The following SLC25A26 variants were observed in gnomAD, a reference collection of about 807,000 sequenced individuals.
SLC25A26 encodes the protein mitochondrial S-adenosylmethionine carrier protein.
In SLC25A26, 36 loss-of-function variants were observed where a neutral mutation model predicts 37.8. That is an observed-to-expected ratio of 0.95 (90% CI 0.73 to 1.26). The LOEUF (loss-of-function observed/expected upper bound fraction) is 1.26. SLC25A26 is among the 50% of genes most tolerant of loss of function. SLC25A26 has a pLI of 0.00. For missense variants in SLC25A26, 390 were observed against 331.1 expected (o/e 1.18, Z -1.38); for synonymous variants, 129 against 122.5 (o/e 1.05, Z -0.35).
chr3:66,270,384 C>G (rs2073917229), intron 5 of SLC25A26, among the ~76,000 whole-genome samples: 3 of 152,086 alleles, frequency 2.0e-5, no homozygotes, highest in Non-Finnish European at 4.4e-5. Flanking sequence ...ATATTGAACC[C>G]TATTTTAATC....
intron 6 of SLC25A26, among the ~76,000 whole-genome samples, chr3:66,351,518 C>G (rs777541550): frequency 6.6e-6 from 1 of 152,100 alleles, no homozygotes; most frequent in Non-Finnish European, 1.5e-5. Context: ...TCTATCTTAT[C>G]CTTTGACTTT....
intron 5 of SLC25A26, among the ~76,000 whole-genome samples, chr3:66,284,786 A>T (rs375426001): frequency 6.6e-6 from 1 of 152,224 alleles, no homozygotes; most frequent in Admixed American, 6.5e-5. Context: ...ATATATTTAT[A>T]TCCATCTATT....
chr3:66,374,478 T>C (rs933022498), intron 9 of SLC25A26, among the ~76,000 whole-genome samples: 4 of 152,194 alleles, frequency 2.6e-5, no homozygotes, highest in Non-Finnish European at 5.9e-5. Context: ...CCTCTCTCTC[T>C]CCCTTAGGCC....
At chr3:66,172,168 T>C (rs1405393651) in intron 1 of SLC25A26, among the ~76,000 whole-genome samples, 2 of 151,966 alleles carry the variant, frequency 1.3e-5, no homozygotes, top group African/African-American at 4.8e-5. Context: ...CTTAGCACTT[T>C]AGAAGGTGGA....
rs782236870 is a variant in SLC25A26, at chr3:66,243,288, G to C, written c.276G>C (p.Met92Ile). ...SSSYLTPMKHMLAASAGEVVA... is the reference protein window; with the variant it reads ...SSSYLTPMKHILAASAGEVVA... ...CATATTTGACACCTATGAAACATAT[G>C]TTGGCTGCCTCTGCTGGAGAAGTGG... The change falls in exon 3 of 10, where the codon ATG (methionine) becomes ATC (isoleucine). Residue 92 changes from methionine to isoleucine, a missense_variant. Physicochemically the swap from Met to Ile is conservative, Grantham distance 10. Coordinates refer to ENST00000354883, the MANE Select transcript of SLC25A26 (RefSeq NM_001379210.1). The C allele has an allele frequency of 1.2e-6, 2 of 1,604,574 alleles. No individual in the cohort carries two copies. The highest frequency in any genetic ancestry group is 1.1e-5 in the South Asian group (1 of 89,870).
chr3:66,217,164 T>C (rs1237838913), upstream of SLC25A26, among the ~76,000 whole-genome samples: 1 of 152,224 alleles, frequency 6.6e-6, no homozygotes, highest in African/African-American at 2.4e-5. Flanking sequence ...ACCATTGCAT[T>C]GAAGAGGAAA....
intron 3 of SLC25A26, among the ~76,000 whole-genome samples, chr3:66,246,083 A>C (rs1247880492): frequency 6.6e-6 from 1 of 152,202 alleles, no homozygotes; most frequent in African/African-American, 2.4e-5. Context: ...GTCTTTTGTT[A>C]CTGACTTTTT....
At chr3:66,303,172 C>T (rs1376265040) in intron 5 of SLC25A26, among the ~76,000 whole-genome samples, 1 of 152,168 alleles carries the variant, frequency 6.6e-6, no homozygotes, top group Admixed American at 6.6e-5. Context: ...GTCTTTGAAT[C>T]CTTTGAAATA....
chr3:66,201,052 G>A (rs991889814), intron 1 of SLC25A26, among the ~76,000 whole-genome samples: 63 of 152,216 alleles, frequency 4.1e-4, no homozygotes, highest in African/African-American at 1.5e-3. Context: ...CAATGGTAAG[G>A]GTGGAAGAAA....
intron 5 of SLC25A26, among the ~76,000 whole-genome samples, chr3:66,325,672 C>T (rs1180216125): frequency 6.6e-6 from 1 of 152,128 alleles, no homozygotes; most frequent in Non-Finnish European, 1.5e-5. Flanking sequence ...GCAGAGGAAT[C>T]ATATGTAAGA....
At chr3:66,350,424 C>T (rs1463949089) in intron 6 of SLC25A26, among the ~76,000 whole-genome samples, 1 of 152,176 alleles carries the variant, frequency 6.6e-6, no homozygotes, top group South Asian at 2.1e-4. Flanking sequence ...TCACATTACT[C>T]AACAAATTTT....
intron 6 of SLC25A26, among the ~76,000 whole-genome samples, chr3:66,349,005 A>C (rs1329810656): frequency 6.6e-6 from 1 of 152,222 alleles, no homozygotes; most frequent in Non-Finnish European, 1.5e-5. Flanking sequence ...CAGCATTCAC[A>C]CAGTTTCTGC....
At chr3:66,290,489 A>C (rs889077857) in intron 5 of SLC25A26, among the ~76,000 whole-genome samples, 1 of 152,194 alleles carries the variant, frequency 6.6e-6, no homozygotes, top group Admixed American at 6.5e-5. Flanking sequence ...GATACGTCCC[A>C]TCAATGCCTG....
intron 3 of SLC25A26, among the ~76,000 whole-genome samples, chr3:66,255,077 G>A (rs2073247629): frequency 6.6e-6 from 1 of 152,164 alleles, no homozygotes; most frequent in African/African-American, 2.4e-5. Flanking sequence ...CTAAAGTGAG[G>A]CCGAAGTTCA....
At chr3:66,222,046 G>T (rs1228438461) in intron 1 of SLC25A26, among the ~76,000 whole-genome samples, 1 of 152,026 alleles carries the variant, frequency 6.6e-6, no homozygotes, top group African/African-American at 2.4e-5. Context: ...TAACAGGTGG[G>T]CTAGGTTCAG....
At chr3:66,358,852 A>T (rs1267025537) in intron 6 of SLC25A26, among the ~76,000 whole-genome samples, 1 of 152,230 alleles carries the variant, frequency 6.6e-6, no homozygotes, top group African/African-American at 2.4e-5. Flanking sequence ...AGAGAATTAC[A>T]TGAGCTGATG....
At chr3:66,360,309 A>G (rs543694970) in intron 6 of SLC25A26, among the ~76,000 whole-genome samples, 2 of 152,322 alleles carry the variant, frequency 1.3e-5, no homozygotes, top group Admixed American at 1.3e-4. Flanking sequence ...TTAAATTAAT[A>G]TATTAAAGAG....
chr3:66,230,454 G>T (rs533434345), intron 1 of SLC25A26, among the ~76,000 whole-genome samples: 1 of 152,128 alleles, frequency 6.6e-6, no homozygotes, highest in East Asian at 1.9e-4. Flanking sequence ...TATGTATGTA[G>T]GGGGGTGGAG....
At chr3:66,317,998 A>G (rs1355529087) in intron 5 of SLC25A26, among the ~76,000 whole-genome samples, 3 of 152,174 alleles carry the variant, frequency 2.0e-5, no homozygotes, top group Non-Finnish European at 4.4e-5. Context: ...AGCTGCAGTG[A>G]TGGCGGCTGC....
Sources: allele counts gnomAD v4.1 joint callset (sites outside exome capture counted in the v4.1 genomes callset), GRCh38; gene constraint gnomAD v4.1.1; transcripts MANE v1.5; gene names NCBI Gene and HGNC (gene_info 2026-07-23, HGNC 2026-07-21).